The following BCAS1 variants were observed in gnomAD, a reference collection of about 807,000 sequenced individuals.
BCAS1 encodes brain enriched myelin associated protein 1, also known as breast carcinoma-amplified sequence 1.
A neutral mutation model predicts 65.4 loss-of-function variants in BCAS1; 46 were observed. That is an observed-to-expected ratio of 0.70 (90% CI 0.55 to 0.90). BCAS1 has a LOEUF of 0.90. Among genes scored for constraint, BCAS1 ranks in the 40% least tolerant of loss-of-function variants. BCAS1 has a pLI of 0.00. For missense variants in BCAS1, 793 were observed against 771.2 expected (o/e 1.03, Z -0.33); for synonymous variants, 298 against 293.5 (o/e 1.02, Z -0.16).
chr20:53,999,414 A>T, intron 4 of BCAS1, among the ~76,000 whole-genome samples: 1 of 152,342 alleles, frequency 6.6e-6, no homozygotes, highest in African/African-American at 2.4e-5. Context: ...TTTAAACATC[A>T]TGTCCAAGGC....
intron 10 of BCAS1, among the ~76,000 whole-genome samples, chr20:53,966,453 T>C (rs2090028922): frequency 6.6e-6 from 1 of 152,086 alleles, no homozygotes; most frequent in South Asian, 2.1e-4. Flanking sequence ...TAAAAAATGA[T>C]ATAATGGACT....
At chr20:54,063,367 A>T (rs184714073) in intron 1 of BCAS1, among the ~76,000 whole-genome samples, 2 of 152,342 alleles carry the variant, frequency 1.3e-5, no homozygotes, top group East Asian at 3.9e-4. Context: ...GGCCTGGCAC[A>T]TAAAGAGGAC....
rs1361850184 is a variant in BCAS1 at position 53,966,917 on chromosome 20, G to A, written c.1474C>T (p.Leu492Phe). The change falls in exon 10 of 13, where the codon CTC becomes TTC. Residue 492 changes from leucine (L) to phenylalanine (F), a missense_variant. Transcript: ENST00000688948. The part of the protein sequence containing the change: ...SKPRTSLMAF[L>F]RQMSVKGDGG... Reference sequence around the variant, plus strand: ...AGTAAGGGGCTTACCATTTGTCTGAGAAACGCCATCAGAGAGGTTCTTGGT... The same window carrying A: ...AGTAAGGGGCTTACCATTTGTCTGAAAAACGCCATCAGAGAGGTTCTTGGT... 3 of 1,607,898 alleles carry A rather than the reference G, an allele frequency of 1.9e-6. No individual in the cohort carries two copies. The highest frequency in any genetic ancestry group is 1.7e-6 in the Non-Finnish European group (2 of 1,178,282).
chr20:54,041,756 G>A (rs71323984), intron 3 of BCAS1, among the ~76,000 whole-genome samples: 27,788 of 151,286 alleles, frequency 0.18, 2,630 homozygotes, highest in East Asian at 0.32. Flanking sequence ...AAAAATAGCT[G>A]GGCGTAGTGG....
chr20:53,986,385 G>A (rs1423421563), intron 7 of BCAS1, among the ~76,000 whole-genome samples: 1 of 152,168 alleles, frequency 6.6e-6, no homozygotes, highest in African/African-American at 2.4e-5. Flanking sequence ...TAAAGGAAGA[G>A]TTGGGAGAAT....
Position 53,953,639 on chromosome 20 carries a change from TGCTCCTGTTGGTTCAG to T in BCAS1, c.1592_1607del (p.Pro531HisfsTer19). 6.2e-7 allele frequency: 1 copy of T among 1,614,016 alleles called. No homozygotes were observed. Among genetic ancestry groups the T allele is most frequent in the South Asian group, 1.1e-5 (1 of 91,074 alleles). On this transcript the variant is annotated frameshift_variant, in exon 12 of 13. Coordinates refer to ENST00000688948, the MANE Select transcript of BCAS1 (RefSeq NM_001366298.2). LOFTEE classifies it high-confidence loss of function. ...AGGAGCCCTCTTTACCCTTCTGTGG[TGCTCCTGTTGGTTCAG>T]GCTCTGGCGGTGTGATAGTCTTTTC...
At chr20:53,983,785 G>T (rs984609948) in intron 8 of BCAS1, among the ~76,000 whole-genome samples, 1 of 152,160 alleles carries the variant, frequency 6.6e-6, no homozygotes, top group Non-Finnish European at 1.5e-5. Flanking sequence ...ACCACCTTCA[G>T]TTTGAGGCTT....
At chr20:53,986,133 T>G (rs2090609655) in intron 7 of BCAS1, among the ~76,000 whole-genome samples, 3 of 152,260 alleles carry the variant, frequency 2.0e-5, no homozygotes, top group South Asian at 2.1e-4. Flanking sequence ...ACTCCACAAT[T>G]AAAACTTCTT....
intron 7 of BCAS1, among the ~76,000 whole-genome samples, chr20:53,991,355 G>T (rs948713474): frequency 3.3e-5 from 5 of 152,174 alleles, no homozygotes; most frequent in Non-Finnish European, 5.9e-5. Context: ...AAATTGAAAG[G>T]TGGCTTCATA....
At chr20:54,029,580 C>T (rs1022260393) in intron 3 of BCAS1, among the ~76,000 whole-genome samples, 4 of 152,180 alleles carry the variant, frequency 2.6e-5, no homozygotes, top group Non-Finnish European at 2.9e-5. Context: ...CTTTTTGAAT[C>T]CAGATTATCT....
chr20:54,018,674 G>A (rs2091493353), intron 4 of BCAS1, among the ~76,000 whole-genome samples: 1 of 152,188 alleles, frequency 6.6e-6, no homozygotes, highest in South Asian at 2.1e-4. Context: ...CTGGCTGCCT[G>A]ATTGACTCTC....
chr20:53,953,742 C>T, intron 11 of BCAS1, 47 bp from the exon 12 acceptor site: 7 of 1,571,426 alleles, frequency 4.5e-6, no homozygotes, highest in Middle Eastern at 1.7e-4. Flanking sequence ...TGCAGGACAA[C>T]TCTCAATAGC....
intron 4 of BCAS1, among the ~76,000 whole-genome samples, chr20:54,004,796 G>A (rs1221780186): frequency 6.6e-6 from 1 of 152,168 alleles, no homozygotes; most frequent in African/African-American, 2.4e-5. Flanking sequence ...CTACATACAA[G>A]CTGTGCAGAG....
chr20:54,037,244 C>A (rs2091914946), intron 3 of BCAS1, among the ~76,000 whole-genome samples: 1 of 151,242 alleles, frequency 6.6e-6, no homozygotes, highest in Non-Finnish European at 1.5e-5. Flanking sequence ...AAAGGGGGAG[C>A]AAGGACCTTT....
At chr20:54,046,349 G>A (rs930096587) in intron 3 of BCAS1, among the ~76,000 whole-genome samples, 2 of 151,814 alleles carry the variant, frequency 1.3e-5, no homozygotes, top group Non-Finnish European at 1.5e-5. Context: ...CCAACATAGT[G>A]GAACCCCGTC....
At chr20:53,977,647 A>G in intron 8 of BCAS1, among the ~76,000 whole-genome samples, 1 of 152,218 alleles carries the variant, frequency 6.6e-6, no homozygotes, top group East Asian at 1.9e-4. Flanking sequence ...GATGATGGTG[A>G]GGAATAGAAG....
rs7274337 is a variant in BCAS1, at chr20:54,060,599, G to C, written c.-5-1876C>G. Among the ~76,000 whole-genome samples the C allele has an allele frequency of 5.1e-3, 779 of 152,222 alleles. 8 individuals carry two copies. Among genetic ancestry groups the C allele is most frequent in the African/African-American group, 0.017 (691 of 41,544 alleles). ...GGCCTCCCAAAGTGTTGGGATTACA[G>C]GCATGAGCCACTGCGCCTGGTCGAA... On this transcript the variant is annotated intron_variant, in intron 1 of 12. Transcript: ENST00000688948.
intron 1 of BCAS1, among the ~76,000 whole-genome samples, chr20:54,068,132 C>T (rs1184332274): frequency 6.6e-6 from 1 of 152,190 alleles, no homozygotes; most frequent in East Asian, 1.9e-4. Flanking sequence ...CACTGAACTG[C>T]CCAAGCCCTG....
At chr20:53,993,699 A>G (rs2090824650) in intron 6 of BCAS1, among the ~76,000 whole-genome samples, 1 of 152,230 alleles carries the variant, frequency 6.6e-6, no homozygotes, top group Non-Finnish European at 1.5e-5. Context: ...AACGCAAGAC[A>G]TAGAACCAAA....
Sources: gnomAD v4.1 joint callset for allele counts (sites outside exome capture counted in the v4.1 genomes callset) on GRCh38, gnomAD v4.1.1 for gene constraint, MANE v1.5 for transcripts, NCBI Gene and HGNC (gene_info 2026-07-23, HGNC 2026-07-21) for gene names.